Variants in SPMAP2L observed in about 807,000 individuals in gnomAD.
SPMAP2L encodes sperm microtubule associated protein 2-like.
chr4:56,594,212 T>C, the SPMAP2L span: 2 of 1,610,182 alleles, frequency 1.2e-6, no homozygotes, highest in Non-Finnish European at 1.7e-6. Context: ...GACCAGCCCG[T>C]TCCTCACCCA....
chr4:56,560,698 G>C, the SPMAP2L span, among the ~76,000 whole-genome samples: 1 of 152,118 alleles, frequency 6.6e-6, no homozygotes, highest in Non-Finnish European at 1.5e-5. Context: ...AAAGTGCTGG[G>C]ATTACAGATG....
the SPMAP2L span, chr4:56,596,408 T>C: frequency 4.5e-6 from 6 of 1,330,014 alleles, no homozygotes; most frequent in South Asian, 7.0e-5. Flanking sequence ...TTGAGAAGTC[T>C]GGCCCAGAGG....
At chr4:56,607,974 C>T in the SPMAP2L span, among the ~76,000 whole-genome samples, 3 of 110,924 alleles carry the variant, frequency 2.7e-5, no homozygotes, top group South Asian at 2.9e-4. Flanking sequence ...ACCTAAGCAA[C>T]AGAGTGAGAC....
At chr4:56,581,351 A>G in the SPMAP2L span, among the ~76,000 whole-genome samples, 1 of 152,178 alleles carries the variant, frequency 6.6e-6, no homozygotes, top group African/African-American at 2.4e-5. Context: ...GTTACTTGGG[A>G]GGCTGAGGCA....
At chr4:56,533,451 C>T in the SPMAP2L span, among the ~76,000 whole-genome samples, 1 of 152,082 alleles carries the variant, frequency 6.6e-6, no homozygotes, top group Non-Finnish European at 1.5e-5. Flanking sequence ...ACCAAAATAC[C>T]AGCATCTATA....
the SPMAP2L span, chr4:56,593,457 C>T: frequency 1.3e-6 from 2 of 1,584,298 alleles, no homozygotes; most frequent in Admixed American, 3.3e-5. Flanking sequence ...AGTACCCAGA[C>T]ACGGAGGGGA....
the SPMAP2L span, among the ~76,000 whole-genome samples, chr4:56,571,441 C>G: frequency 1.1e-4 from 16 of 151,570 alleles, no homozygotes; most frequent in African/African-American, 3.9e-4. Context: ...GCCTCCCAAG[C>G]AGCTGGGACT....
the SPMAP2L span, among the ~76,000 whole-genome samples, chr4:56,551,967 C>A: frequency 6.6e-6 from 1 of 152,128 alleles, no homozygotes; most frequent in African/African-American, 2.4e-5. Context: ...TTAGACGTGA[C>A]AGTTATGTCA....
the SPMAP2L span, among the ~76,000 whole-genome samples, chr4:56,620,232 C>G: frequency 6.6e-6 from 1 of 152,210 alleles, no homozygotes; most frequent in Non-Finnish European, 1.5e-5. Context: ...AATGAAACCT[C>G]TCTAAATGAG....
At chr4:56,611,750 T>C in the SPMAP2L span, among the ~76,000 whole-genome samples, 1 of 152,182 alleles carries the variant, frequency 6.6e-6, no homozygotes, top group Non-Finnish European at 1.5e-5. Context: ...TCAATGGTGC[T>C]TTATTGGTGC....
chr4:56,566,762 T>A, the SPMAP2L span, among the ~76,000 whole-genome samples: 1 of 132,888 alleles, frequency 7.5e-6, no homozygotes, highest in East Asian at 2.3e-4. Flanking sequence ...AATGGTGCAA[T>A]CTCAGCTCAC....
At chr4:56,571,139 CA>C in the SPMAP2L span, among the ~76,000 whole-genome samples, 3 of 146,430 alleles carry the variant, frequency 2.0e-5, no homozygotes, top group Non-Finnish European at 4.5e-5. Flanking sequence ...AAAAAAAAAA[CA>C]AAAAACCTTT....
chr4:56,620,118 G>A, the SPMAP2L span, among the ~76,000 whole-genome samples: 1 of 152,186 alleles, frequency 6.6e-6, no homozygotes, highest in Non-Finnish European at 1.5e-5. Flanking sequence ...AATCCTGCAT[G>A]GGAAATGCTA....
At chr4:56,623,606 A>G in the SPMAP2L span, among the ~76,000 whole-genome samples, 1 of 152,188 alleles carries the variant, frequency 6.6e-6, no homozygotes, top group Non-Finnish European at 1.5e-5. Context: ...GGAGGGACTG[A>G]GAAGGAGGTA....
chr4:56,619,198 C>T, the SPMAP2L span, among the ~76,000 whole-genome samples: 2 of 152,196 alleles, frequency 1.3e-5, no homozygotes, highest in Non-Finnish European at 2.9e-5. Flanking sequence ...AATGTGGTTT[C>T]TCTCTCTGTG....
the SPMAP2L span, among the ~76,000 whole-genome samples, chr4:56,619,701 A>G: frequency 6.6e-6 from 1 of 152,238 alleles, no homozygotes. Flanking sequence ...ATAGGCAACA[A>G]AACTAAAAAA....
At chr4:56,573,245 T>C in the SPMAP2L span, among the ~76,000 whole-genome samples, 3 of 152,214 alleles carry the variant, frequency 2.0e-5, no homozygotes, top group African/African-American at 7.2e-5. Flanking sequence ...AAATAACATA[T>C]ACACTTCTCT....
chr4:56,531,970 T>C, the SPMAP2L span, among the ~76,000 whole-genome samples: 4 of 152,208 alleles, frequency 2.6e-5, no homozygotes, highest in Admixed American at 1.3e-4. Context: ...TTATCCATCA[T>C]ACTTCTGACA....
the SPMAP2L span, among the ~76,000 whole-genome samples, chr4:56,558,760 C>T: frequency 6.6e-6 from 1 of 152,124 alleles, no homozygotes; most frequent in Non-Finnish European, 1.5e-5. Context: ...CTGGCCAAAT[C>T]CTATTGTCGT....
Sources: allele counts gnomAD v4.1 joint callset (sites outside exome capture counted in the v4.1 genomes callset), GRCh38; gene constraint gnomAD v4.1.1; transcripts MANE v1.5; gene names NCBI Gene and HGNC (gene_info 2026-07-23, HGNC 2026-07-21).